CDS1: variants seen among roughly 807,000 people sequenced by gnomAD.
CDS1 encodes phosphatidate cytidylyltransferase 1.
Under a neutral mutation model 62.1 loss-of-function variants are expected in CDS1, and 41 were observed. The observed-to-expected ratio is 0.66, with a 90% confidence interval of 0.51 to 0.86. CDS1 has a LOEUF of 0.86. Ranked by LOEUF, CDS1 falls within the 40% of genes least tolerant of loss-of-function variation. The pLI, the probability that CDS1 is intolerant of heterozygous loss-of-function variation, is 0.00. For missense variants in CDS1, 470 were observed against 550.1 expected (o/e 0.85, Z 1.46); for synonymous variants, 185 against 192.6 (o/e 0.96, Z 0.32).
chr4:84,592,640 T>C (rs1460774213), intron 1 of CDS1, among the ~76,000 whole-genome samples: 1 of 152,208 alleles, frequency 6.6e-6, no homozygotes, highest in Non-Finnish European at 1.5e-5. Context: ...ACTTTTAAAA[T>C]ATGAAATTGA....
At chr4:84,593,376 G>C (rs952330891) in intron 1 of CDS1, among the ~76,000 whole-genome samples, 1 of 152,094 alleles carries the variant, frequency 6.6e-6, no homozygotes, top group African/African-American at 2.4e-5. Flanking sequence ...TGCATCCTCT[G>C]TCGCCTTTAA....
intron 3 of CDS1, among the ~76,000 whole-genome samples, chr4:84,610,651 C>T (rs1723290961): frequency 6.6e-6 from 1 of 152,116 alleles, no homozygotes; most frequent in Non-Finnish European, 1.5e-5. Context: ...AGTGAGATGC[C>T]ACCTGATGAC....
At chr4:84,643,226 C>G in intron 11 of CDS1, 83 bp downstream of exon 11, 1 of 1,377,392 alleles carries the variant, frequency 7.3e-7, no homozygotes, top group South Asian at 1.3e-5. Flanking sequence ...CGCTCATGAT[C>G]TACATTAAGC....
At chr4:84,585,369 A>G (rs1039771404) in intron 1 of CDS1, among the ~76,000 whole-genome samples, 2 of 152,322 alleles carry the variant, frequency 1.3e-5, no homozygotes, top group African/African-American at 4.8e-5. Context: ...ATACTGCTCT[A>G]CTTTTAGAGT....
chr4:84,640,831 A>G lies in CDS1; in HGVS notation c.880-7A>G. On this transcript the variant is annotated splice_region_variant and splice_polypyrimidine_tract_variant and intron_variant, in intron 9 of 12. Coordinates refer to ENST00000295887, the MANE Select transcript of CDS1 (RefSeq NM_001263.4). ...TTTGTTTTGTTTTGTTTTGTTTTTA[A>G]TATCAGGCTGCCTATGTGTTATCCA... 1 of 1,539,384 alleles carries G rather than the reference A, an allele frequency of 6.5e-7. No individual in the cohort carries two copies.
chr4:84,640,975 G>T lies in CDS1; in HGVS notation c.1017G>T (p.Lys339Asn). ...CTTACTCACTTCCACCCTTTCTAAA[G>T]GCAGTCTTGAGACAGGTACAGTAAA... Reference protein sequence around the residue: ...LQTYSLPPFLKAVLRQERVSL... With the variant: ...LQTYSLPPFLNAVLRQERVSL... Residue 339 changes from lysine (K) to asparagine (N), a missense_variant, in exon 10 of 13, where the codon AAG becomes AAT. Around this residue, in one of 5 missense-constraint regions of CDS1, gnomAD observed 214 missense variants for 242.4 expected, o/e 0.88. Coordinates refer to ENST00000295887, the MANE Select transcript of CDS1 (RefSeq NM_001263.4). 1 of 1,594,284 alleles carries T rather than the reference G, an allele frequency of 6.3e-7. No homozygotes were observed.
chr4:84,613,749 G>T (rs1311584664), intron 3 of CDS1, among the ~76,000 whole-genome samples: 1 of 152,114 alleles, frequency 6.6e-6, no homozygotes, highest in Non-Finnish European at 1.5e-5. Context: ...CTAAGTGATG[G>T]AGTTACTAAA....
At chr4:84,644,533 A>C (rs533786949) in intron 11 of CDS1, among the ~76,000 whole-genome samples, 9 of 152,200 alleles carry the variant, frequency 5.9e-5, no homozygotes, top group Non-Finnish European at 1.3e-4. Context: ...GAAACCAAAC[A>C]GCTATTGCTG....
In CDS1 at chr4:84,641,110, C is replaced by T. The variant is rs190487691; in HGVS notation, c.1032+120C>T. ...TGTTGTTTTGAGACAGAGTTTCCCT[C>T]TGTTGCCCAGGCTGGAGTGTAGTGG... On this transcript the variant is annotated intron_variant, in intron 10 of 12. Transcript: ENST00000295887. The T allele has an allele frequency of 6.2e-6, 4 of 646,652 alleles. No individual in the cohort carries two copies. The East Asian group carries it at 1.5e-4, about 24-fold the overall frequency. The allele number at this position is 646,652 out of a possible 1,614,324, so 40.1% of individuals were successfully genotyped here.
chr4:84,592,307 G>A (rs922281669), intron 1 of CDS1, among the ~76,000 whole-genome samples: 2 of 151,870 alleles, frequency 1.3e-5, no homozygotes, highest in Non-Finnish European at 2.9e-5. Context: ...AAGTAGCTGG[G>A]ATTACAGGCA....
Position 84,619,502 on chromosome 4 carries a change from T to C in CDS1, c.549T>C (p.His183=). 6.2e-7 allele frequency: 1 copy of C among 1,600,724 alleles called. No individual in the cohort carries two copies. Among genetic ancestry groups the C allele is most frequent in the Middle Eastern group, 1.7e-4 (1 of 5,936 alleles). ...EEQLQFLIRY[H]RFISFALYLA... is the part of the protein sequence containing the mutation. Reference sequence around the variant, plus strand: ...AACTTCAGTTCCTCATTCGCTACCATAGATTTATATCATTTGCCCTCTATC... The same window carrying C: ...AACTTCAGTTCCTCATTCGCTACCACAGATTTATATCATTTGCCCTCTATC... Residue 183 remains histidine (H), a synonymous_variant, in exon 5 of 13, where the codon CAT becomes CAC. Transcript: ENST00000295887.
At chr4:84,634,637 A>G (rs1724121219) in intron 7 of CDS1, among the ~76,000 whole-genome samples, 1 of 151,974 alleles carries the variant, frequency 6.6e-6, no homozygotes, top group African/African-American at 2.4e-5. Flanking sequence ...TCTTTTTACC[A>G]AGGGTGTGGT....
intron 1 of CDS1, among the ~76,000 whole-genome samples, chr4:84,591,686 T>A (rs1359516502): frequency 2.0e-5 from 3 of 152,222 alleles, no homozygotes; most frequent in African/African-American, 7.2e-5. Flanking sequence ...AGTTTACATA[T>A]GAGAAAATTG....
At chr4:84,586,880 G>T (rs1024242201) in intron 1 of CDS1, among the ~76,000 whole-genome samples, 1 of 152,164 alleles carries the variant, frequency 6.6e-6, no homozygotes, top group Admixed American at 6.5e-5. Flanking sequence ...GATTAATGAA[G>T]ATTTTTCTTT....
In CDS1 at chr4:84,583,473, A is replaced by T; in HGVS notation, c.72A>T (p.Gly24=). ...CGGTGTCGCCGCCACACCGCGAGGG[A>T]GAGGCGGCCGGCGGCGACCACGAAA... The part of the protein sequence containing the change: ...REAVSPPHRE[G]EAAGGDHETE... The change falls in exon 1 of 13, where the codon GGA becomes GGT. Residue 24 remains glycine, a synonymous_variant. Transcript: ENST00000295887. 1 of 1,571,016 alleles carries T rather than the reference A, an allele frequency of 6.4e-7. No homozygotes were observed. Among genetic ancestry groups the T allele is most frequent in the Admixed American group, 1.9e-5 (1 of 54,036 alleles).
Position 84,641,005 on chromosome 4 carries a change from C to A in CDS1, c.1032+15C>A. The A allele has an allele frequency of 1.3e-6, 2 of 1,503,634 alleles. No individual in the cohort carries two copies. Among genetic ancestry groups the A allele is most frequent in the Admixed American group, 2.1e-5 (1 of 48,060 alleles). 93.1% of individuals were successfully genotyped at this position (1,503,634 alleles called of 1,614,324 possible). On this transcript the variant is annotated intron_variant, in intron 10 of 12. Transcript: ENST00000295887. ...TCTTGAGACAGGTACAGTAAAAGTT[C>A]AAGATAAACATGGTTAGAGATCTTC...
At chr4:84,599,401 CACACATATATATATATATAT>C (rs1438120191) in intron 1 of CDS1, among the ~76,000 whole-genome samples, 3 of 23,956 alleles carry the variant, frequency 1.3e-4, no homozygotes, top group Non-Finnish European at 2.1e-4. Context: ...TTGACACACA[CACACATATATATATATATAT>C]ATATATATAT....
chr4:84,593,225 A>G (rs1197186936), intron 1 of CDS1, among the ~76,000 whole-genome samples: 1 of 152,112 alleles, frequency 6.6e-6, no homozygotes, highest in African/African-American at 2.4e-5. Context: ...ATAATAATGT[A>G]TACTGCTTTT....
At chr4:84,609,309 T>C in intron 2 of CDS1, 120 bp from the exon 3 acceptor site, 1 of 587,794 alleles carries the variant, frequency 1.7e-6, no homozygotes, top group South Asian at 2.6e-5. Context: ...GTTTGTTATA[T>C]AAAGTGAAGT....
Sources: gnomAD v4.1 joint callset for allele counts (sites outside exome capture counted in the v4.1 genomes callset) on GRCh38, gnomAD v4.1.1 for gene constraint, gnomAD v4.1.1 regional missense constraint, MANE v1.5 for transcripts, NCBI Gene and HGNC (gene_info 2026-07-23, HGNC 2026-07-21) for gene names.